The following ZFHX3 variants were observed in gnomAD, a reference collection of about 807,000 sequenced individuals.
The protein encoded by ZFHX3 is zinc finger homeobox protein 3.
A neutral mutation model predicts 279.1 loss-of-function variants in ZFHX3; 42 were observed. That is an observed-to-expected ratio of 0.15 (90% confidence interval 0.12 to 0.19). The LOEUF (loss-of-function observed/expected upper bound fraction) is 0.19. Ranked by LOEUF, ZFHX3 falls within the 10% of genes least tolerant of loss-of-function variation. The probability of loss-of-function intolerance (pLI) is 1.00; values close to 1 mark genes in which losing one functional copy is unlikely to be tolerated. For synonymous variants in ZFHX3, 2,293 were observed against 1,957.8 expected, an observed-to-expected ratio of 1.17 and a Z score of -4.52; for missense variants, 4,981 against 4,754.0, an observed-to-expected ratio of 1.05 and a Z score of -1.40.
intron 3 of ZFHX3, among the ~76,000 whole-genome samples, chr16:73,385,500 A>G (rs57461007): frequency 0.02 from 3,046 of 152,284 alleles, 104 homozygotes; most frequent in African/African-American, 0.069. Flanking sequence ...AACTGCAACC[A>G]GCTCATGTCA....
chr16:72,932,757 T>C (rs945480734), intron 3 of ZFHX3, among the ~76,000 whole-genome samples: 9 of 151,836 alleles, frequency 5.9e-5, no homozygotes, highest in African/African-American at 1.7e-4. Flanking sequence ...ATAACGTCAG[T>C]TGTGTGGTCT....
At chr16:73,639,292 A>AC (rs905706219) in intron 2 of ZFHX3, among the ~76,000 whole-genome samples, 1 of 151,858 alleles carries the variant, frequency 6.6e-6, no homozygotes, top group East Asian at 1.9e-4. Flanking sequence ...GCACTGGAGT[A>AC]TTTTTTTTCC....
chr16:73,450,598 A>T (rs1263028818), intron 3 of ZFHX3, among the ~76,000 whole-genome samples: 1 of 152,082 alleles, frequency 6.6e-6, no homozygotes, highest in Non-Finnish European at 1.5e-5. Flanking sequence ...ATTTTTAAAA[A>T]CTCTGCTGTT....
intron 8 of ZFHX3, chr16:73,083,311 C>G (rs1164131316): frequency 2.0e-5 from 3 of 152,256 alleles, no homozygotes; most frequent in Non-Finnish European, 4.4e-5. Context: ...AATGAGACCT[C>G]TTGTGATGGC....
intron 5 of ZFHX3, among the ~76,000 whole-genome samples, chr16:73,252,629 G>A (rs1447399156): frequency 1.3e-5 from 2 of 152,134 alleles, no homozygotes; most frequent in African/African-American, 2.4e-5. Flanking sequence ...AAAAGCTCAG[G>A]GTGGGAGGAG....
chr16:73,650,329 A>C (rs2052658603), intron 2 of ZFHX3, among the ~76,000 whole-genome samples: 1 of 151,362 alleles, frequency 6.6e-6, no homozygotes. Flanking sequence ...TTTTTGCCCT[A>C]AGCGCATTTT....
In ZFHX3 at chr16:72,787,614, T is replaced by C; in HGVS notation, c.10662A>G (p.Lys3554=). ...LSQHLESALH[K]HRTITRAARN... ...TTGCTGCTCTCGTGATTGTTCTGTG[T>C]TTGTGCAAGGCCGACTCGAGATGTT... The change falls in exon 10 of 10, where the codon AAA becomes AAG. Residue 3554 remains lysine (K), a synonymous_variant. Coordinates refer to ENST00000268489, the MANE Select transcript of ZFHX3 (RefSeq NM_006885.4). 1 of 1,613,808 alleles carries C rather than the reference T, an allele frequency of 6.2e-7. No homozygotes were observed. Among genetic ancestry groups the C allele is most frequent in the Non-Finnish European group, 8.5e-7 (1 of 1,179,916 alleles).
chr16:72,952,873 G>A (rs1054924796), intron 2 of ZFHX3, among the ~76,000 whole-genome samples: 22 of 152,126 alleles, frequency 1.4e-4, no homozygotes, highest in Non-Finnish European at 2.2e-4. Context: ...GGGCACTGGC[G>A]TCTAGTTTCT....
Position 72,783,208 on chromosome 16 carries a change from A to G in ZFHX3, c.*3956T>C, listed in dbSNP as rs1192562748. On this transcript the variant is annotated 3_prime_UTR_variant, in exon 10 of 10. Transcript: ENST00000268489. ...GTTTTTTGTTTTTTTTTCTTTTTGT[A>G]CATTGCAAAGGCTGTTCATATACCT... is the stretch of plus-strand genomic sequence containing the variant. 1.3e-5 allele frequency: 2 copies of G among 149,828 alleles called. No individual in the cohort carries two copies. Among genetic ancestry groups the G allele is most frequent in the Non-Finnish European group, 3.0e-5 (2 of 67,498 alleles). 9.3% of individuals were successfully genotyped at this position (149,828 alleles called of 1,614,324 possible).
chr16:73,811,279 G>C (rs901856387), intron 1 of ZFHX3, among the ~76,000 whole-genome samples: 2 of 152,090 alleles, frequency 1.3e-5, no homozygotes, highest in African/African-American at 4.8e-5. Flanking sequence ...TCAGACATCT[G>C]TATCTACCTT....
At chr16:73,420,167 T>TA (rs1464925199) in intron 3 of ZFHX3, 1 of 152,120 alleles carries the variant, frequency 6.6e-6, no homozygotes, top group Non-Finnish European at 1.5e-5. Flanking sequence ...CTCAACCTCC[T>TA]AAAGTGCTGA....
chr16:72,999,310 G>A (rs1016731349), intron 1 of ZFHX3, among the ~76,000 whole-genome samples: 5 of 152,064 alleles, frequency 3.3e-5, no homozygotes, highest in East Asian at 1.9e-4. Flanking sequence ...GGCACATGCC[G>A]CCACACCCGG....
chr16:73,399,837 G>GGTGTGTGTGTGT (rs4011546), intron 3 of ZFHX3, among the ~76,000 whole-genome samples: 77 of 148,286 alleles, frequency 5.2e-4, no homozygotes, highest in African/African-American at 1.3e-3. Flanking sequence ...TGTGGTGTGT[G>GGTGTGTGTGTGT]GTGTGTGTGT....
At chr16:73,369,930 T>C (rs2016595503) in intron 3 of ZFHX3, among the ~76,000 whole-genome samples, 1 of 152,166 alleles carries the variant, frequency 6.6e-6, no homozygotes, top group African/African-American at 2.4e-5. Flanking sequence ...TGAAATTGTT[T>C]CAATATATCG....
chr16:72,952,512 C>T (rs1198003309), intron 2 of ZFHX3, among the ~76,000 whole-genome samples: 2 of 152,202 alleles, frequency 1.3e-5, no homozygotes, highest in Non-Finnish European at 2.9e-5. Flanking sequence ...GGACAGGGGT[C>T]CAGTCTTATC....
At chr16:73,106,721 A>G (rs778371635) in intron 7 of ZFHX3, among the ~76,000 whole-genome samples, 1 of 152,216 alleles carries the variant, frequency 6.6e-6, no homozygotes, top group Non-Finnish European at 1.5e-5. Flanking sequence ...ATCATTCATC[A>G]TGGAAGCCCT....
At chr16:72,976,963 A>G (rs1000872703) in intron 1 of ZFHX3, among the ~76,000 whole-genome samples, 46 of 152,264 alleles carry the variant, frequency 3.0e-4, no homozygotes, top group African/African-American at 1.1e-3. Context: ...CATTTTAGGG[A>G]TATTTTAGGT....
At chr16:73,105,622 G>A (rs1199932024) in intron 7 of ZFHX3, among the ~76,000 whole-genome samples, 2 of 151,596 alleles carry the variant, frequency 1.3e-5, no homozygotes, top group Non-Finnish European at 2.9e-5. Flanking sequence ...GCATGGTGGC[G>A]GGCACCTATA....
rs2018162549 is a variant in ZFHX3, at chr16:73,445,229, T to G, written c.-1291+10774A>C. 2.1e-5 allele frequency among the ~76,000 whole-genome samples: 3 copies of G among 140,598 alleles called. 1 individual carries two copies. In the South Asian group the frequency reaches 6.6e-4, roughly 31 times the overall value. The allele number at this position is 140,598 out of a possible 152,430, so 92.2% of individuals were successfully genotyped here. A position where few individuals can be genotyped will look rare whatever the true frequency, so the allele number is the denominator to read the frequency against. On this transcript the variant is annotated intron_variant, in intron 3 of 17. Transcript: ENST00000641206. ...ACATAATTCGAATATATAATTCATG[T>G]GTATGTATGTATACATATGTGTATA... is the stretch of plus-strand genomic sequence containing the variant.
Sources: gnomAD v4.1 joint callset for allele counts (sites outside exome capture counted in the v4.1 genomes callset) on GRCh38, gnomAD v4.1.1 for gene constraint, MANE v1.5 for transcripts, NCBI Gene and HGNC (gene_info 2026-07-23, HGNC 2026-07-21) for gene names.